TRIM66: variants seen among roughly 807,000 people sequenced by gnomAD.
TRIM66 encodes tripartite motif-containing protein 66.
In TRIM66, 99 loss-of-function variants were observed where a neutral mutation model predicts 148.2. The observed-to-expected ratio is 0.67, with a 90% CI of 0.57 to 0.79. The LOEUF is 0.79. TRIM66 is among the 30% of genes least tolerant of loss of function. TRIM66 has a pLI of 0.00. For synonymous variants in TRIM66, 616 were observed against 635.9 expected (o/e 0.97, Z 0.47); for missense variants, 1,666 against 1,697.9 (o/e 0.98, Z 0.33).
intron 6 of TRIM66, among the ~76,000 whole-genome samples, chr11:8,668,624 C>T (rs911578192): frequency 5.6e-4 from 85 of 151,058 alleles, no homozygotes; most frequent in African/African-American, 2.1e-3. Flanking sequence ...CTCGCTCTGT[C>T]GCCCAGGCTG....
chr11:8,619,598 A>G, intron 22 of TRIM66, 63 bp from the exon 23 acceptor site: 2 of 1,398,920 alleles, frequency 1.4e-6, no homozygotes, highest in Non-Finnish European at 1.9e-6. Context: ...GGAGGTGTGG[A>G]TAAGAAGGAA....
intron 6 of TRIM66, among the ~76,000 whole-genome samples, chr11:8,666,706 C>T (rs1565568728): frequency 6.6e-6 from 1 of 152,116 alleles, no homozygotes; most frequent in Non-Finnish European, 1.5e-5. Context: ...GCAGGCAGAT[C>T]AGGAATGACA....
chr11:8,662,130 C>A (rs2133391261), intron 6 of TRIM66, among the ~76,000 whole-genome samples: 1 of 152,292 alleles, frequency 6.6e-6, no homozygotes, highest in Non-Finnish European at 1.5e-5. Flanking sequence ...TGCTGCACAC[C>A]CAGCTCACCA....
At chr11:8,667,780 T>C (rs1011189885) in intron 6 of TRIM66, among the ~76,000 whole-genome samples, 1 of 152,244 alleles carries the variant, frequency 6.6e-6, no homozygotes, top group Admixed American at 6.5e-5. Context: ...TTCCATTATA[T>C]GTATATACCA....
intron 10 of TRIM66, among the ~76,000 whole-genome samples, chr11:8,647,042 T>C (rs1044526171): frequency 6.7e-6 from 1 of 148,714 alleles, no homozygotes; most frequent in South Asian, 2.1e-4. Flanking sequence ...ATAAACATAT[T>C]ATATAATAAA....
intron 3 of TRIM66, chr11:8,679,417 T>C (rs1358558186): frequency 6.6e-6 from 1 of 152,474 alleles, no homozygotes; most frequent in Non-Finnish European, 1.5e-5. Context: ...GGGTCCACTC[T>C]GGGAGGCCTT....
intron 12 of TRIM66, among the ~76,000 whole-genome samples, chr11:8,645,220 G>C (rs963972202): frequency 6.6e-6 from 1 of 152,130 alleles, no homozygotes; most frequent in Non-Finnish European, 1.5e-5. Context: ...AGGTAGCTTG[G>C]AGTTGGTTTT....
At chr11:8,676,445 C>T (rs1241087202) in intron 3 of TRIM66, among the ~76,000 whole-genome samples, 1 of 152,180 alleles carries the variant, frequency 6.6e-6, no homozygotes, top group Non-Finnish European at 1.5e-5. Flanking sequence ...AGGGACCCCC[C>T]ACCCCATAAG....
intron 3 of TRIM66, among the ~76,000 whole-genome samples, chr11:8,676,380 C>T (rs1161436299): frequency 6.6e-6 from 1 of 152,132 alleles, no homozygotes; most frequent in Non-Finnish European, 1.5e-5. Context: ...GATCAAATAA[C>T]ACGTTAGCTT....
intron 6 of TRIM66, among the ~76,000 whole-genome samples, chr11:8,670,832 G>A (rs1290935052): frequency 6.6e-6 from 1 of 152,160 alleles, no homozygotes; most frequent in Non-Finnish European, 1.5e-5. Context: ...GACTCTGAGA[G>A]GCAAGGTAGC....
At chr11:8,620,255 A>T in intron 21 of TRIM66, 131 bp from the exon 22 acceptor site, 1 of 1,304,076 alleles carries the variant, frequency 7.7e-7, no homozygotes, top group Non-Finnish European at 1.1e-6. Context: ...GGCACAATTC[A>T]GGTTCCCAAG....
chr11:8,681,738 T>C (rs911323633), intron 1 of TRIM66, among the ~76,000 whole-genome samples: 1 of 151,992 alleles, frequency 6.6e-6, no homozygotes, highest in Admixed American at 6.5e-5. Flanking sequence ...AAAACAGTCC[T>C]TGACCACATA....
rs1210742395 is a variant in TRIM66, at chr11:8,616,215, G to A, written c.*1729C>T. 1.3e-5 allele frequency: 2 copies of A among 152,368 alleles called. No homozygotes were observed. Among genetic ancestry groups the A allele is most frequent in the Middle Eastern group, 3.4e-3 (1 of 294 alleles). 9.4% of individuals were successfully genotyped at this position (152,368 alleles called of 1,614,324 possible). The stretch of plus-strand genomic sequence containing the variant: ...GCATGTGCTGCTGAAAGAATGGCAA[G>A]CCAAGGGGCATGGTTTGCTTTAAAG... On this transcript the variant is annotated 3_prime_UTR_variant, in exon 25 of 25. Transcript: ENST00000646038.
rs1043321688 is a variant in TRIM66, at chr11:8,616,099, G to A, written c.*1845C>T. 6.6e-6 allele frequency: 1 copy of A among 152,240 alleles called. No individual in the cohort carries two copies. The highest frequency in any genetic ancestry group is 2.4e-5 in the African/African-American group (1 of 41,458). The allele number at this position is 152,240 out of a possible 1,614,324, so 9.4% of individuals were successfully genotyped here. A position where few individuals can be genotyped will look rare whatever the true frequency, so the allele number is the denominator to read the frequency against. On this transcript the variant is annotated 3_prime_UTR_variant, in exon 25 of 25. Transcript: ENST00000646038. ...TGAGTCTCAAAGGGCAGAAGCCTAA[G>A]TCCAAAGATTGCCGGACTAGTAAAG...
rs560619388 is a variant in TRIM66 at position 8,648,463 on chromosome 11, A to G, written c.678T>C (p.Asp226=). ...EVLKLFCETC[D]MLTCHSCLVV... is the part of the protein sequence containing the mutation. ...CTAGGCAGCTATGGCAAGTGAGCATATCACATGTCTCACAGAATAGCTTGA... is the reference window on the plus strand; with the variant it reads ...CTAGGCAGCTATGGCAAGTGAGCATGTCACATGTCTCACAGAATAGCTTGA... Residue 226 remains aspartate (D), a synonymous_variant, in exon 9 of 25, where the codon GAT becomes GAC. Coordinates refer to ENST00000646038, the MANE Select transcript of TRIM66 (RefSeq NM_001388022.1). The G allele has an allele frequency of 8.6e-5, 134 of 1,551,650 alleles. No individual in the cohort carries two copies. The highest frequency in any genetic ancestry group is 1.1e-4 in the Non-Finnish European group (123 of 1,147,024).
intron 1 of TRIM66, among the ~76,000 whole-genome samples, chr11:8,681,132 G>GA (rs1001578248): frequency 4.2e-5 from 6 of 142,808 alleles, no homozygotes; most frequent in Non-Finnish European, 9.1e-5. Context: ...GAGAATTTTG[G>GA]AATTTTTTTT....
upstream of TRIM66, chr11:8,682,808 G>A: frequency 6.2e-7 from 1 of 1,613,162 alleles, no homozygotes; most frequent in African/African-American, 1.3e-5. Flanking sequence ...CGTCTGGGCT[G>A]CCAACATGGT....
At chr11:8,624,248 G>A (rs1355938891) in intron 17 of TRIM66, 111 bp downstream of exon 17, 2 of 1,215,834 alleles carry the variant, frequency 1.6e-6, no homozygotes, top group African/African-American at 1.6e-5. Context: ...TCAGAGAGAT[G>A]CACTGCTTCC....
At chr11:8,644,080 C>T (rs1489514150) in intron 12 of TRIM66, among the ~76,000 whole-genome samples, 1 of 152,160 alleles carries the variant, frequency 6.6e-6, no homozygotes, top group Admixed American at 6.5e-5. Flanking sequence ...CTCCAACAAC[C>T]CACCCTGGTC....
Sources: gnomAD v4.1 joint callset for allele counts (sites outside exome capture counted in the v4.1 genomes callset) on GRCh38, gnomAD v4.1.1 for gene constraint, MANE v1.5 for transcripts, NCBI Gene and HGNC (gene_info 2026-07-23, HGNC 2026-07-21) for gene names.